The following B4GALNT2 variants were observed in gnomAD, a reference collection of about 807,000 sequenced individuals.
B4GALNT2 encodes N-acetylneuraminylgalactosylglucosyl-glucoside beta-1,4-N- acetylgalactosaminyltransferase 2.
A neutral mutation model predicts 51.1 loss-of-function variants in B4GALNT2; 42 were observed. That is an observed-to-expected ratio of 0.82 (90% CI 0.64 to 1.06). B4GALNT2 has a LOEUF of 1.06. Ranked by LOEUF, B4GALNT2 falls within the 50% of genes least tolerant of loss-of-function variation. The pLI is 0.00. For synonymous variants in B4GALNT2, 253 were observed against 251.7 expected (o/e 1.01, Z -0.05); for missense variants, 602 against 633.6 (o/e 0.95, Z 0.54).
chr17:49,146,706 G>A (rs2042698452), intron 3 of B4GALNT2, among the ~76,000 whole-genome samples: 1 of 152,162 alleles, frequency 6.6e-6, no homozygotes, highest in Non-Finnish European at 1.5e-5. Context: ...GTCTGATTGA[G>A]GGCTCCTTAA....
Position 49,150,069 on chromosome 17 carries a change from C to CG in B4GALNT2, c.354-2723dup, listed in dbSNP as rs568447474. ...TTTACCATTTAAAAATTTTGGAGGT[C>CG]GGGGGGGGTCAGCCCCCCACCTGGC... On this transcript the variant is annotated intron_variant, in intron 3 of 10. Transcript: ENST00000393354. Among the ~76,000 whole-genome samples, 211 of 106,862 alleles carry CG rather than the reference C, an allele frequency of 2.0e-3. 2 individuals are homozygous for CG. Among genetic ancestry groups the CG allele is most frequent in the Middle Eastern group, 0.011 (2 of 190 alleles). 70.1% of individuals were successfully genotyped at this position (106,862 alleles called of 152,430 possible). A position where few individuals can be genotyped will look rare whatever the true frequency, so the allele number is the denominator to read the frequency against.
At chr17:49,129,995 G>A (rs2042529182), upstream of B4GALNT2, among the ~76,000 whole-genome samples, 1 of 152,190 alleles carries the variant, frequency 6.6e-6, no homozygotes, top group African/African-American at 2.4e-5. Context: ...CTGCTTGGCT[G>A]TGGTCTAGAC....
intron 3 of B4GALNT2, among the ~76,000 whole-genome samples, chr17:49,147,849 A>ATATATGTG (rs1555611104): frequency 1.3e-5 from 2 of 149,042 alleles, no homozygotes; most frequent in African/African-American, 4.9e-5. Context: ...TTATATATAT[A>ATATATGTG]TGTGTGTGTG....
chr17:49,141,542 GTTCCCTTGCT>G, intron 2 of B4GALNT2, 95 bp downstream of exon 2: 2 of 1,327,758 alleles, frequency 1.5e-6, no homozygotes, highest in Non-Finnish European at 1.1e-6. Flanking sequence ...TGTACAGATG[GTTCCCTTGCT>G]TTCCTAAGCC....
chr17:49,162,649 C>G (rs1386895612), intron 7 of B4GALNT2, among the ~76,000 whole-genome samples: 1 of 152,108 alleles, frequency 6.6e-6, no homozygotes, highest in Admixed American at 6.6e-5. Context: ...TGGCTCACAC[C>G]TGTAATCCCA....
chr17:49,153,064 A>G (rs1258109277), intron 4 of B4GALNT2, among the ~76,000 whole-genome samples, 158 bp downstream of exon 4: 1 of 151,056 alleles, frequency 6.6e-6, no homozygotes, highest in Non-Finnish European at 1.5e-5. Context: ...CATCTTGCCA[A>G]TACACTCCAG....
chr17:49,159,379 T>C (rs1336906524), intron 6 of B4GALNT2, among the ~76,000 whole-genome samples, 162 bp downstream of exon 6: 1 of 152,172 alleles, frequency 6.6e-6, no homozygotes, highest in Non-Finnish European at 1.5e-5. Context: ...TCTCACTCTG[T>C]CACCCAGGCT....
chr17:49,150,959 CATAT>C (rs1159525243), intron 3 of B4GALNT2, among the ~76,000 whole-genome samples: 1 of 152,006 alleles, frequency 6.6e-6, no homozygotes, highest in Non-Finnish European at 1.5e-5. Flanking sequence ...TTGCCTTTTT[CATAT>C]TACCGTAAGT....
the B4GALNT2 span, among the ~76,000 whole-genome samples, chr17:49,124,060 A>G: frequency 6.6e-6 from 1 of 152,220 alleles, no homozygotes; most frequent in Non-Finnish European, 1.5e-5. Flanking sequence ...TATGCTCCAA[A>G]TTTTGTTCAT....
intron 9 of B4GALNT2, among the ~76,000 whole-genome samples, chr17:49,167,664 C>T (rs556325037): frequency 7.0e-6 from 1 of 142,482 alleles, no homozygotes; most frequent in South Asian, 2.2e-4. Context: ...GGCTGGAGTG[C>T]AGTGGCGCAA....
At chr17:49,159,941 G>A (rs573161424) in intron 6 of B4GALNT2, among the ~76,000 whole-genome samples, 2 of 152,030 alleles carry the variant, frequency 1.3e-5, no homozygotes, top group South Asian at 4.2e-4. Context: ...CCATTCCAAG[G>A]GCTTTGTCTC....
the B4GALNT2 span, among the ~76,000 whole-genome samples, chr17:49,126,566 G>A: frequency 1.3e-5 from 2 of 150,002 alleles, no homozygotes; most frequent in Admixed American, 6.6e-5. Flanking sequence ...CAGTTGTACA[G>A]CTAAGAGTTA....
intron 1 of B4GALNT2, among the ~76,000 whole-genome samples, chr17:49,134,133 C>T (rs572758338): frequency 6.6e-6 from 1 of 152,202 alleles, no homozygotes; most frequent in South Asian, 2.1e-4. Flanking sequence ...GATACTGATG[C>T]GGATAAATTT....
In B4GALNT2 at chr17:49,150,069, CG is replaced by C. The variant is rs568447474; in HGVS notation, c.354-2723del. Among the ~76,000 whole-genome samples, 575 of 106,862 alleles carry C rather than the reference CG, an allele frequency of 5.4e-3. 21 individuals carry two copies. The East Asian group carries it at 0.13, about 23-fold the overall frequency. The allele number at this position is 106,862 out of a possible 152,430, so 70.1% of individuals were successfully genotyped here. On this transcript the variant is annotated intron_variant, in intron 3 of 10. Coordinates refer to ENST00000393354, the MANE Select transcript of B4GALNT2 (RefSeq NM_001159387.2). Reference sequence around the variant, plus strand: ...TTTACCATTTAAAAATTTTGGAGGTCGGGGGGGGTCAGCCCCCCACCTGGCC... The same window carrying C: ...TTTACCATTTAAAAATTTTGGAGGTCGGGGGGGTCAGCCCCCCACCTGGCC...
chr17:49,150,315 C>G (rs1276504333), intron 3 of B4GALNT2, among the ~76,000 whole-genome samples: 9 of 141,436 alleles, frequency 6.4e-5, no homozygotes, highest in South Asian at 2.3e-4. Context: ...CAGCCCCCCC[C>G]GCCTGGCCAG....
intron 9 of B4GALNT2, among the ~76,000 whole-genome samples, chr17:49,167,115 T>C (rs550294852): frequency 1.3e-5 from 2 of 152,280 alleles, no homozygotes; most frequent in African/African-American, 4.8e-5. Flanking sequence ...CAAAGACATC[T>C]CTTGGCAACT....
chr17:49,150,732 G>A (rs867337414), intron 3 of B4GALNT2, among the ~76,000 whole-genome samples: 2 of 150,750 alleles, frequency 1.3e-5, no homozygotes, highest in African/African-American at 4.9e-5. Context: ...CAGCATGCTC[G>A]TTAAGAGTCA....
chr17:49,133,221 T>C (rs1248414401), intron 1 of B4GALNT2: 1 of 1,484,194 alleles, frequency 6.7e-7, no homozygotes, highest in African/African-American at 1.5e-5. Flanking sequence ...CCGTCAGGGG[T>C]ATGTGAGTGC....
rs61743617 is a variant in B4GALNT2 at position 49,169,594 on chromosome 17, C to T, written c.1387C>T (p.Arg463Trp). The part of the protein sequence containing the change: ...CPEVIIGHQS[R>W]SPVVDSELAA... Reference sequence around the variant, plus strand: ...AGAAGTGATTATAGGTCACCAGTCTCGGTCTCCAGTGGTGGACTCAGAACT... The same window carrying T: ...AGAAGTGATTATAGGTCACCAGTCTTGGTCTCCAGTGGTGGACTCAGAACT... The change falls in exon 11 of 11, where the codon CGG becomes TGG. Residue 463 changes from arginine (R) to tryptophan (W), a missense_variant. Physicochemically the swap from Arg to Trp is moderately radical, Grantham distance 101 (BLOSUM62 -3). Coordinates refer to ENST00000393354, the MANE Select transcript of B4GALNT2 (RefSeq NM_001159387.2). 0.012 allele frequency: 18,966 copies of T among 1,613,168 alleles called. 147 individuals carry two copies. The highest frequency in any genetic ancestry group is 0.015 in the Middle Eastern group (78 of 5,304).
Sources: gnomAD v4.1 joint callset for allele counts (sites outside exome capture counted in the v4.1 genomes callset) on GRCh38, gnomAD v4.1.1 for gene constraint, MANE v1.5 for transcripts, NCBI Gene and HGNC (gene_info 2026-07-23, HGNC 2026-07-21) for gene names.